CNTNAP2: variants seen among roughly 807,000 people sequenced by gnomAD.
The protein encoded by CNTNAP2 is contactin-associated protein-like 2.
In CNTNAP2, 98 loss-of-function variants were observed where a neutral mutation model predicts 155.2. That is an observed-to-expected ratio of 0.63 (90% CI 0.54 to 0.75). The LOEUF is 0.75. Among genes scored for constraint, CNTNAP2 ranks in the 30% least tolerant of loss-of-function variants. CNTNAP2 has a pLI of 0.00. For synonymous variants in CNTNAP2, 651 were observed against 631.2 expected (o/e 1.03, Z -0.47); for missense variants, 1,727 against 1,688.1 (o/e 1.02, Z -0.40).
At chr7:148,163,254 G>A (rs2906296) in intron 17 of CNTNAP2, among the ~76,000 whole-genome samples, 56,710 of 152,076 alleles carry the variant, frequency 0.37, 12,145 homozygotes, top group African/African-American at 0.59. Context: ...GACAGCAAAT[G>A]AATTAACTCT....
intron 3 of CNTNAP2, among the ~76,000 whole-genome samples, chr7:146,919,853 T>C (rs931742437): frequency 1.1e-4 from 16 of 152,112 alleles, no homozygotes; most frequent in African/African-American, 3.6e-4. Context: ...TTGGCTTTCC[T>C]GGTATGTTCC....
At chr7:147,407,261 G>A (rs1244370885) in intron 10 of CNTNAP2, among the ~76,000 whole-genome samples, 1 of 152,022 alleles carries the variant, frequency 6.6e-6, no homozygotes, top group African/African-American at 2.4e-5. Flanking sequence ...GAGGTCAGGA[G>A]ATCGAGACCA....
chr7:148,161,251 C>A (rs1805532176), intron 17 of CNTNAP2, among the ~76,000 whole-genome samples: 1 of 152,188 alleles, frequency 6.6e-6, no homozygotes, highest in Non-Finnish European at 1.5e-5. Flanking sequence ...CTACAGTTTT[C>A]TGCTGTCATT....
In CNTNAP2 at chr7:148,213,084, C is replaced by T. The variant is rs190203507; in HGVS notation, c.3011-4204C>T. On this transcript the variant is annotated intron_variant, in intron 18 of 23. Transcript: ENST00000361727. Reference sequence around the variant, plus strand: ...CAGCTGATAAACGCATCATGTCTCACCCAGGCGGGGACCACTCAGCTTCGT... The same window carrying T: ...CAGCTGATAAACGCATCATGTCTCATCCAGGCGGGGACCACTCAGCTTCGT... Among the ~76,000 whole-genome samples the T allele has an allele frequency of 5.3e-5, 8 of 152,244 alleles. No homozygotes were observed. In the East Asian group the frequency reaches 1.5e-3, roughly 29 times the overall value.
At chr7:146,249,424 A>G (rs1040911869) in intron 1 of CNTNAP2, among the ~76,000 whole-genome samples, 6 of 150,568 alleles carry the variant, frequency 4.0e-5, no homozygotes, top group South Asian at 2.1e-4. Flanking sequence ...TCTTCCTGTA[A>G]TAGTAGTCTC....
At chr7:147,705,821 T>C (rs1167309018) in intron 13 of CNTNAP2, among the ~76,000 whole-genome samples, 1 of 152,166 alleles carries the variant, frequency 6.6e-6, no homozygotes, top group African/African-American at 2.4e-5. Context: ...CTTGCTTCTG[T>C]TTACTGTTTT....
intron 11 of CNTNAP2, among the ~76,000 whole-genome samples, chr7:147,560,298 A>G (rs542735454): frequency 6.6e-6 from 1 of 151,884 alleles, no homozygotes; most frequent in Admixed American, 6.6e-5. Flanking sequence ...TACTCTTTTT[A>G]CCTTTTGAAT....
intron 4 of CNTNAP2, chr7:147,083,096 G>A (rs557876637): frequency 1.3e-5 from 2 of 152,094 alleles, no homozygotes; most frequent in Non-Finnish European, 2.9e-5. Context: ...CAAGGAAATG[G>A]GATTGCCTCG....
At chr7:147,994,497 G>T (rs978966408) in intron 15 of CNTNAP2, among the ~76,000 whole-genome samples, 1 of 152,126 alleles carries the variant, frequency 6.6e-6, no homozygotes, top group African/African-American at 2.4e-5. Context: ...TGTGTTATAG[G>T]AGGGACCCAG....
At chr7:146,381,932 C>G (rs1054579483) in intron 1 of CNTNAP2, among the ~76,000 whole-genome samples, 1 of 152,132 alleles carries the variant, frequency 6.6e-6, no homozygotes, top group Admixed American at 6.5e-5. Flanking sequence ...TATCCATGAG[C>G]TCTCATCCTT....
At chr7:148,207,417 G>C (rs531022904) in intron 18 of CNTNAP2, among the ~76,000 whole-genome samples, 1 of 152,358 alleles carries the variant, frequency 6.6e-6, no homozygotes, top group Admixed American at 6.5e-5. Flanking sequence ...AGGGGACCAA[G>C]AGCGTTAGTC....
At chr7:147,114,218 T>C (rs1347306401) in intron 5 of CNTNAP2, among the ~76,000 whole-genome samples, 1 of 152,154 alleles carries the variant, frequency 6.6e-6, no homozygotes, top group African/African-American at 2.4e-5. Flanking sequence ...CTGTTGAGTG[T>C]TTTACTTTCA....
At chr7:147,731,004 C>G (rs1057185744) in intron 13 of CNTNAP2, among the ~76,000 whole-genome samples, 3 of 152,102 alleles carry the variant, frequency 2.0e-5, no homozygotes, top group African/African-American at 7.2e-5. Flanking sequence ...TCTGTGAAGG[C>G]TCAGAGAAGT....
At chr7:146,575,924 G>T (rs1798517482) in intron 1 of CNTNAP2, among the ~76,000 whole-genome samples, 1 of 152,166 alleles carries the variant, frequency 6.6e-6, no homozygotes, top group African/African-American at 2.4e-5. Context: ...AGGAGAGAGG[G>T]AGTGAATATG....
At chr7:146,777,297 C>T (rs180671019) in intron 2 of CNTNAP2, among the ~76,000 whole-genome samples, 32 of 152,282 alleles carry the variant, frequency 2.1e-4, no homozygotes, top group African/African-American at 7.5e-4. Flanking sequence ...TGCTTATCAG[C>T]GTTATGCTGT....
chr7:148,113,635 G>A (rs1311975902), intron 15 of CNTNAP2, among the ~76,000 whole-genome samples: 2 of 152,204 alleles, frequency 1.3e-5, no homozygotes, highest in Non-Finnish European at 2.9e-5. Flanking sequence ...TGTGATGATG[G>A]AGACCAGCAA....
intron 13 of CNTNAP2, among the ~76,000 whole-genome samples, chr7:147,758,033 G>A (rs1584940626): frequency 6.6e-6 from 1 of 152,012 alleles, no homozygotes; most frequent in Admixed American, 6.6e-5. Context: ...AGAAAAATAG[G>A]GAATTTATTT....
At chr7:146,350,312 G>A (rs371544777) in intron 1 of CNTNAP2, among the ~76,000 whole-genome samples, 2 of 151,810 alleles carry the variant, frequency 1.3e-5, no homozygotes, top group Admixed American at 6.6e-5. Context: ...AATCTACAAT[G>A]AACTCAAACA....
At chr7:147,493,791 G>A (rs1448566921) in intron 11 of CNTNAP2, among the ~76,000 whole-genome samples, 2 of 152,062 alleles carry the variant, frequency 1.3e-5, no homozygotes, top group Non-Finnish European at 2.9e-5. Flanking sequence ...TTAATACTTT[G>A]TCACAAATTA....
Sources: gnomAD v4.1 joint callset for allele counts (sites outside exome capture counted in the v4.1 genomes callset) on GRCh38, gnomAD v4.1.1 for gene constraint, MANE v1.5 for transcripts, NCBI Gene and HGNC (gene_info 2026-07-23, HGNC 2026-07-21) for gene names.